ANKFN1: variants seen among roughly 807,000 people sequenced by gnomAD.
ANKFN1 encodes ankyrin repeat and fibronectin type-III domain-containing protein 1.
In ANKFN1, 74 loss-of-function variants were observed where a neutral mutation model predicts 108.7. That is an observed-to-expected ratio of 0.68 (90% CI 0.56 to 0.83). The LOEUF is 0.83. ANKFN1 is among the 40% of genes least tolerant of loss of function. The probability of loss-of-function intolerance (pLI) is 0.00; values close to 1 mark genes in which losing one functional copy is unlikely to be tolerated. For missense variants in ANKFN1, 1,505 were observed against 1,382.3 expected (o/e 1.09, Z -1.41); for synonymous variants, 547 against 516.2 (o/e 1.06, Z -0.81).
intron 4 of ANKFN1, among the ~76,000 whole-genome samples, chr17:56,144,722 C>A (rs907714922): frequency 2.6e-5 from 4 of 152,080 alleles, no homozygotes; most frequent in African/African-American, 7.2e-5. Context: ...AAACTTCAGT[C>A]CAGTGAGGGT....
At chr17:56,313,294 A>G (rs1401485909) in intron 3 of ANKFN1, among the ~76,000 whole-genome samples, 1 of 152,192 alleles carries the variant, frequency 6.6e-6, no homozygotes, top group Non-Finnish European at 1.5e-5. Flanking sequence ...ACAGGGACAG[A>G]TGTTTTAGTC....
chr17:56,141,948 T>TC lies in ANKFN1; in HGVS notation c.289-85969_289-85968insC, dbSNP rs1491104050. On this transcript the variant is annotated intron_variant, in intron 4 of 12. Coordinates refer to the ANKFN1 transcript ENST00000635860. ...CTTTTTTTTTTTTTTTTTTTTTTTT[T>TC]GAGATGGAGTCTGGCTCTGTCGCCC... 1.5e-4 allele frequency among the ~76,000 whole-genome samples: 22 copies of TC among 144,178 alleles called. No individual in the cohort carries two copies. In the East Asian group the frequency reaches 2.0e-3, roughly 13 times the overall value. The allele number at this position is 144,178 out of a possible 152,430, so 94.6% of individuals were successfully genotyped here. A position where few individuals can be genotyped will look rare whatever the true frequency, so the allele number is the denominator to read the frequency against.
chr17:56,287,867 T>C (rs1247283095), intron 3 of ANKFN1, among the ~76,000 whole-genome samples: 6 of 152,210 alleles, frequency 3.9e-5, no homozygotes, highest in Non-Finnish European at 8.8e-5. Context: ...AGGTTTGCTT[T>C]GTTACACAGT....
intron 1 of ANKFN1, among the ~76,000 whole-genome samples, chr17:56,188,086 AAAATAAAT>A (rs144198845): frequency 0.024 from 3,694 of 152,184 alleles, 135 homozygotes; most frequent in African/African-American, 0.083. Context: ...ATAAGAATCA[AAAATAAAT>A]AAATAAATAA....
chr17:56,305,968 A>G (rs1365523312), intron 3 of ANKFN1, among the ~76,000 whole-genome samples: 1 of 152,132 alleles, frequency 6.6e-6, no homozygotes, highest in Non-Finnish European at 1.5e-5. Context: ...TTGGCTTATT[A>G]GTATGGGTTA....
At chr17:56,144,745 T>C (rs1225195571) in intron 4 of ANKFN1, among the ~76,000 whole-genome samples, 2 of 152,164 alleles carry the variant, frequency 1.3e-5, no homozygotes, top group East Asian at 3.9e-4. Context: ...TTTGTTTTTG[T>C]TAAAGAAAAA....
intron 4 of ANKFN1, among the ~76,000 whole-genome samples, chr17:56,328,190 G>A (rs1338374508): frequency 6.6e-6 from 1 of 152,114 alleles, no homozygotes; most frequent in Non-Finnish European, 1.5e-5. Context: ...ATTTTTTTCA[G>A]AGGGTAGTTC....
chr17:56,384,435 C>G (rs1269626544), intron 8 of ANKFN1, among the ~76,000 whole-genome samples: 2 of 152,196 alleles, frequency 1.3e-5, no homozygotes, highest in Admixed American at 1.3e-4. Context: ...GGGATGCCCT[C>G]TCACCACTCC....
intron 3 of ANKFN1, among the ~76,000 whole-genome samples, chr17:56,250,036 C>T (rs2043201272): frequency 6.6e-6 from 1 of 152,108 alleles, no homozygotes; most frequent in South Asian, 2.1e-4. Context: ...GCCCCACTTG[C>T]TTAGCTTCCC....
intron 3 of ANKFN1, among the ~76,000 whole-genome samples, chr17:56,320,372 A>G (rs574184799): frequency 2.6e-5 from 4 of 152,202 alleles, no homozygotes; most frequent in Non-Finnish European, 5.9e-5. Flanking sequence ...AAGTGTGCCA[A>G]TTGAGAAAAT....
chr17:56,204,600 C>G (rs1017718168), intron 1 of ANKFN1, among the ~76,000 whole-genome samples: 2 of 151,782 alleles, frequency 1.3e-5, no homozygotes, highest in Admixed American at 6.6e-5. Flanking sequence ...CTCGGCCTCC[C>G]GAAGTGCTGG....
intron 3 of ANKFN1, among the ~76,000 whole-genome samples, chr17:56,315,158 T>C (rs1308419112): frequency 6.6e-6 from 1 of 152,232 alleles, no homozygotes; most frequent in African/African-American, 2.4e-5. Context: ...TAATGTTTGC[T>C]TAATGAAATG....
At chr17:56,351,152 T>G (rs934890584) in intron 5 of ANKFN1, among the ~76,000 whole-genome samples, 185 bp downstream of exon 5, 6 of 152,132 alleles carry the variant, frequency 3.9e-5, no homozygotes, top group Non-Finnish European at 7.4e-5. Context: ...TCTGAGTGAT[T>G]GTGAGCTGTT....
At chr17:56,246,491 A>G (rs1023159520) in intron 3 of ANKFN1, among the ~76,000 whole-genome samples, 4 of 152,112 alleles carry the variant, frequency 2.6e-5, no homozygotes, top group African/African-American at 9.7e-5. Flanking sequence ...TGTTGGACCT[A>G]TTTGGTTTCT....
intron 9 of ANKFN1, among the ~76,000 whole-genome samples, chr17:56,442,547 C>G (rs2049141422): frequency 6.6e-6 from 1 of 152,094 alleles, no homozygotes; most frequent in South Asian, 2.1e-4. Context: ...TATATAGTTT[C>G]AGGGGGCTCA....
At chr17:56,047,297 A>G (rs1030858723) in intron 4 of ANKFN1, among the ~76,000 whole-genome samples, 3 of 151,970 alleles carry the variant, frequency 2.0e-5, no homozygotes, top group African/African-American at 7.3e-5. Context: ...GTCATGCTGA[A>G]TGTCTAGATA....
At chr17:56,419,729 C>T (rs532102725) in intron 8 of ANKFN1, among the ~76,000 whole-genome samples, 20 of 147,970 alleles carry the variant, frequency 1.4e-4, no homozygotes, top group Non-Finnish European at 7.4e-5. Flanking sequence ...TTACTCAAGA[C>T]GGAGGATAGC....
At chr17:56,139,583 G>A (rs892922026) in intron 4 of ANKFN1, among the ~76,000 whole-genome samples, 1 of 152,110 alleles carries the variant, frequency 6.6e-6, no homozygotes, top group Non-Finnish European at 1.5e-5. Flanking sequence ...GACAGACAGA[G>A]GAAAGTGATA....
chr17:56,389,340 A>G (rs1357854541), intron 8 of ANKFN1, among the ~76,000 whole-genome samples: 1 of 152,230 alleles, frequency 6.6e-6, no homozygotes, highest in Non-Finnish European at 1.5e-5. Context: ...TTTATGTAAC[A>G]CTTTTAAAAT....
Sources: gnomAD v4.1 joint callset for allele counts (sites outside exome capture counted in the v4.1 genomes callset) on GRCh38, gnomAD v4.1.1 for gene constraint, MANE v1.5 for transcripts, NCBI Gene and HGNC (gene_info 2026-07-23, HGNC 2026-07-21) for gene names.